PCDH15: variants seen among roughly 807,000 people sequenced by gnomAD.
PCDH15 encodes the protein protocadherin-15.
A neutral mutation model predicts 178.5 loss-of-function variants in PCDH15; 129 were observed. That is an observed-to-expected ratio of 0.72 (90% CI 0.63 to 0.84). PCDH15 has a LOEUF of 0.84. Ranked by LOEUF, PCDH15 falls within the 40% of genes least tolerant of loss-of-function variation. PCDH15 has a pLI of 0.00. For missense variants in PCDH15, 2,230 were observed against 2,099.9 expected (o/e 1.06, Z -1.21); for synonymous variants, 800 against 732.0 (o/e 1.09, Z -1.50).
chr10:55,464,084 G>A lies in PCDH15; in HGVS notation c.-156+163541C>T, dbSNP rs12220868. Among the ~76,000 whole-genome samples, 13 of 61,158 alleles carry A rather than the reference G, an allele frequency of 2.1e-4. 1 individual carries two copies. Among genetic ancestry groups the A allele is most frequent in the South Asian group, 8.0e-4 (1 of 1,252 alleles). The allele number at this position is 61,158 out of a possible 152,430, so 40.1% of individuals were successfully genotyped here. A position where few individuals can be genotyped will look rare whatever the true frequency, so the allele number is the denominator to read the frequency against. On this transcript the variant is annotated intron_variant, in intron 2 of 5. Transcript: ENST00000613346. The stretch of plus-strand genomic sequence containing the variant: ...AAGAAAAGGAAAGAAAGGGAAAGAA[G>A]AAAAGAAAAGGAGTACTGACACATA...
At chr10:55,074,176 C>T (rs1030412266) in intron 2 of PCDH15, among the ~76,000 whole-genome samples, 5 of 152,082 alleles carry the variant, frequency 3.3e-5, no homozygotes, top group African/African-American at 7.2e-5. Flanking sequence ...TGAACATACA[C>T]GTGCACGTAT....
chr10:54,798,632 G>A (rs933372700), intron 1 of PCDH15, among the ~76,000 whole-genome samples: 4 of 152,002 alleles, frequency 2.6e-5, no homozygotes, highest in African/African-American at 9.7e-5. Flanking sequence ...TTAAAATAGA[G>A]TCTGAAGTAA....
At chr10:54,502,765 T>C (rs2080816857) in intron 3 of PCDH15, among the ~76,000 whole-genome samples, 5 of 152,076 alleles carry the variant, frequency 3.3e-5, no homozygotes, top group East Asian at 1.9e-4. Flanking sequence ...AGCTGTTGAA[T>C]TGGGCTTGAA....
Position 55,203,600 on chromosome 10 carries a change from C to T in PCDH15, c.-155-36949G>A, listed in dbSNP as rs148789063. Among the ~76,000 whole-genome samples the T allele has an allele frequency of 4.2e-3, 640 of 152,112 alleles. 7 individuals are homozygous for T. Among genetic ancestry groups the T allele is most frequent in the African/African-American group, 0.015 (620 of 41,450 alleles). ...ACTTTTCTGTCATCTCAGAATAATCCTCTGGTATAAACAACTGTGGGTCAG... is the reference window on the plus strand; with the variant it reads ...ACTTTTCTGTCATCTCAGAATAATCTTCTGGTATAAACAACTGTGGGTCAG... On this transcript the variant is annotated intron_variant, in intron 1 of 5. Transcript: ENST00000458638.
intron 21 of PCDH15, among the ~76,000 whole-genome samples, chr10:53,991,955 G>C (rs369858374): frequency 1.3e-5 from 2 of 152,052 alleles, no homozygotes; most frequent in African/African-American, 4.8e-5. Flanking sequence ...GCCGCAACCC[G>C]CTCGGGTCCC....
upstream of PCDH15, among the ~76,000 whole-genome samples, chr10:55,323,829 G>C (rs1361019410): frequency 6.6e-6 from 1 of 152,142 alleles, no homozygotes; most frequent in Non-Finnish European, 1.5e-5. Flanking sequence ...AGGCATGATT[G>C]GTCTTGAAAT....
At chr10:54,175,642 T>G (rs985183807) in intron 13 of PCDH15, among the ~76,000 whole-genome samples, 9 of 152,168 alleles carry the variant, frequency 5.9e-5, no homozygotes, top group Non-Finnish European at 1.2e-4. Flanking sequence ...CAAAAGGTTA[T>G]GTCATGTAAT....
intron 2 of PCDH15, among the ~76,000 whole-genome samples, chr10:55,450,847 C>T (rs1389163885): frequency 6.6e-6 from 1 of 151,706 alleles, no homozygotes; most frequent in African/African-American, 2.4e-5. Flanking sequence ...TATCACCTAT[C>T]ACCTCTAATC....
chr10:55,056,558 C>T (rs1435046318), intron 2 of PCDH15, among the ~76,000 whole-genome samples: 2 of 150,784 alleles, frequency 1.3e-5, no homozygotes, highest in Non-Finnish European at 3.0e-5. Context: ...CAATAAGACT[C>T]TGTTTGCTTC....
chr10:55,490,286 C>T (rs181464723), intron 2 of PCDH15, among the ~76,000 whole-genome samples: 3 of 151,608 alleles, frequency 2.0e-5, no homozygotes, highest in Admixed American at 1.3e-4. Flanking sequence ...ATTTGCAAGA[C>T]GGAGAAATGA....
intron 2 of PCDH15, among the ~76,000 whole-genome samples, chr10:55,373,956 G>A (rs1428636243): frequency 6.6e-6 from 1 of 151,570 alleles, no homozygotes; most frequent in Non-Finnish European, 1.5e-5. Flanking sequence ...TGGGGGGCTG[G>A]GGGAGGGACA....
chr10:54,402,775 A>G (rs1176195913), intron 3 of PCDH15, among the ~76,000 whole-genome samples: 1 of 151,846 alleles, frequency 6.6e-6, no homozygotes, highest in Non-Finnish European at 1.5e-5. Context: ...GTGTGTTCTG[A>G]TTGCTCCACC....
At chr10:55,517,620 T>G (rs1179399265) in intron 2 of PCDH15, among the ~76,000 whole-genome samples, 1 of 152,112 alleles carries the variant, frequency 6.6e-6, no homozygotes, top group Non-Finnish European at 1.5e-5. Flanking sequence ...CATGCAACTA[T>G]CATGCGTTCC....
At chr10:55,450,591 A>T (rs1304494160) in intron 2 of PCDH15, among the ~76,000 whole-genome samples, 1 of 152,178 alleles carries the variant, frequency 6.6e-6, no homozygotes, top group African/African-American at 2.4e-5. Context: ...ATTTTTTTTT[A>T]CTGGTACATT....
chr10:55,346,475 A>T (rs1243225656), intron 2 of PCDH15, among the ~76,000 whole-genome samples: 3 of 152,132 alleles, frequency 2.0e-5, no homozygotes, highest in Non-Finnish European at 4.4e-5. Flanking sequence ...TTTGGGGTTT[A>T]TATGGATCCA....
At chr10:54,753,493 T>C (rs1032346863) in intron 1 of PCDH15, among the ~76,000 whole-genome samples, 2 of 151,866 alleles carry the variant, frequency 1.3e-5, no homozygotes, top group Non-Finnish European at 2.9e-5. Flanking sequence ...GAGGCATGAA[T>C]TAAAAACAAA....
At chr10:55,236,620 A>G (rs1031694245) in intron 1 of PCDH15, among the ~76,000 whole-genome samples, 6 of 152,104 alleles carry the variant, frequency 3.9e-5, no homozygotes, top group African/African-American at 1.4e-4. Context: ...TTAAGTTACA[A>G]TTCTACATTT....
intron 1 of PCDH15, among the ~76,000 whole-genome samples, chr10:54,794,283 T>G (rs1951744252): frequency 6.6e-6 from 1 of 151,406 alleles, no homozygotes; most frequent in Non-Finnish European, 1.5e-5. Flanking sequence ...AGTTACCATC[T>G]CCTAAAAAGT....
chr10:54,572,239 C>G (rs1210734133), intron 2 of PCDH15, among the ~76,000 whole-genome samples: 1 of 152,002 alleles, frequency 6.6e-6, no homozygotes, highest in Non-Finnish European at 1.5e-5. Flanking sequence ...TGAGTACCTG[C>G]TATGTGTTAG....
Sources: allele counts gnomAD v4.1 joint callset (sites outside exome capture counted in the v4.1 genomes callset), GRCh38; gene constraint gnomAD v4.1.1; transcripts MANE v1.5; gene names NCBI Gene and HGNC (gene_info 2026-07-23, HGNC 2026-07-21).